ADAM12: variants seen among roughly 807,000 people sequenced by gnomAD.
ADAM12 encodes the protein ADAM metallopeptidase domain 12.
In ADAM12, 70 loss-of-function variants were observed where a neutral mutation model predicts 106.4. The observed-to-expected ratio is 0.66, with a 90% CI of 0.54 to 0.80. The LOEUF is 0.80. Among genes scored for constraint, ADAM12 ranks in the 30% least tolerant of loss-of-function variants. The pLI is 0.00. For synonymous variants in ADAM12, 420 were observed against 433.5 expected (o/e 0.97, Z 0.39); for missense variants, 1,010 against 1,171.9 (o/e 0.86, Z 2.02).
chr10:126,217,705 G>T (rs1958012401), intron 3 of ADAM12, among the ~76,000 whole-genome samples: 1 of 139,944 alleles, frequency 7.1e-6, no homozygotes, highest in South Asian at 2.7e-4. Context: ...AGGCATGGTG[G>T]CTCACGCCTG....
chr10:126,263,435 G>C (rs747327767), intron 3 of ADAM12, among the ~76,000 whole-genome samples: 2 of 151,958 alleles, frequency 1.3e-5, no homozygotes, highest in African/African-American at 2.4e-5. Context: ...CCTTGGCTCA[G>C]TGCTTCTCCC....
At chr10:126,200,104 A>G (rs1250651146) in intron 3 of ADAM12, among the ~76,000 whole-genome samples, 1 of 152,128 alleles carries the variant, frequency 6.6e-6, no homozygotes, top group Non-Finnish European at 1.5e-5. Context: ...AGAATATTCT[A>G]TGAATTGGTA....
At chr10:126,377,046 C>G (rs1856319265) in intron 1 of ADAM12, among the ~76,000 whole-genome samples, 2 of 152,288 alleles carry the variant, frequency 1.3e-5, no homozygotes, top group South Asian at 4.1e-4. Context: ...TTGCCTGGCA[C>G]TGAGAGGTTT....
chr10:126,038,412 TAC>T (rs1954097179), intron 19 of ADAM12, 63 bp from the exon 20 acceptor site: 1 of 1,343,158 alleles, frequency 7.4e-7, no homozygotes, highest in Non-Finnish European at 1.0e-6. Flanking sequence ...CTTGACTTTT[TAC>T]ACTTTGCTCA....
At chr10:126,133,371 C>T (rs1956343416) in intron 5 of ADAM12, among the ~76,000 whole-genome samples, 1 of 152,150 alleles carries the variant, frequency 6.6e-6, no homozygotes, top group Non-Finnish European at 1.5e-5. Flanking sequence ...CCCCACGCTT[C>T]CTCAGGAAAG....
intron 5 of ADAM12, among the ~76,000 whole-genome samples, chr10:126,127,854 C>G (rs1323831059): frequency 6.6e-6 from 1 of 152,030 alleles, no homozygotes. Context: ...AGTGGATCTT[C>G]CAAAGTCAAA....
chr10:126,171,455 G>A (rs1292633315), intron 3 of ADAM12, among the ~76,000 whole-genome samples: 1 of 152,160 alleles, frequency 6.6e-6, no homozygotes, highest in Non-Finnish European at 1.5e-5. Context: ...AATCTTTAGA[G>A]TTCATTTGCT....
At chr10:126,291,376 G>A (rs1031281747) in intron 2 of ADAM12, among the ~76,000 whole-genome samples, 1 of 152,176 alleles carries the variant, frequency 6.6e-6, no homozygotes, top group African/African-American at 2.4e-5. Context: ...CAGAGGCACC[G>A]CAAGTCACTA....
chr10:126,093,114 G>C (rs1193352922), intron 11 of ADAM12, among the ~76,000 whole-genome samples: 2 of 152,160 alleles, frequency 1.3e-5, no homozygotes, highest in African/African-American at 4.8e-5. Flanking sequence ...GCTTGGGCTG[G>C]AATGTTCCAT....
At chr10:126,139,264 AT>A (rs199927483) in intron 4 of ADAM12, among the ~76,000 whole-genome samples, 1 of 151,280 alleles carries the variant, frequency 6.6e-6, no homozygotes, top group African/African-American at 2.4e-5. Flanking sequence ...CTAGTTTTAG[AT>A]TTTTTTTTCC....
intron 5 of ADAM12, among the ~76,000 whole-genome samples, chr10:126,131,807 C>T (rs1411613100): frequency 6.6e-6 from 1 of 152,152 alleles, no homozygotes; most frequent in East Asian, 1.9e-4. Context: ...GCAGCCCATG[C>T]TAAGATAGTG....
intron 4 of ADAM12, among the ~76,000 whole-genome samples, chr10:126,139,190 G>A (rs900172044): frequency 8.6e-5 from 13 of 152,040 alleles, no homozygotes; most frequent in African/African-American, 2.9e-4. Context: ...ATAATAAACC[G>A]CTTGCCTATT....
intron 2 of ADAM12, among the ~76,000 whole-genome samples, chr10:126,298,844 C>G (rs943312528): frequency 3.3e-5 from 5 of 151,968 alleles, no homozygotes; most frequent in Non-Finnish European, 7.4e-5. Flanking sequence ...CTATATGGTT[C>G]AAAGAAACAA....
At chr10:126,319,533 C>T (rs1480574204) in intron 2 of ADAM12, among the ~76,000 whole-genome samples, 1 of 152,144 alleles carries the variant, frequency 6.6e-6, no homozygotes, top group Non-Finnish European at 1.5e-5. Flanking sequence ...TCTCTACTCC[C>T]CAAAACCGTC....
intron 3 of ADAM12, among the ~76,000 whole-genome samples, chr10:126,224,574 G>A (rs923505222): frequency 3.3e-5 from 5 of 152,214 alleles, no homozygotes; most frequent in Non-Finnish European, 7.4e-5. Context: ...TGGCGGTGGG[G>A]GCGTTGCACG....
chr10:126,214,970 C>T (rs1030238282), intron 3 of ADAM12, among the ~76,000 whole-genome samples: 1 of 152,220 alleles, frequency 6.6e-6, no homozygotes, highest in African/African-American at 2.4e-5. Context: ...GTCAGCCCCT[C>T]GCTGGGCCAT....
intron 3 of ADAM12, among the ~76,000 whole-genome samples, chr10:126,231,702 C>G (rs892875243): frequency 1.3e-5 from 2 of 152,198 alleles, no homozygotes; most frequent in African/African-American, 4.8e-5. Flanking sequence ...CCACCACTCT[C>G]TCCTCCTGGC....
intron 3 of ADAM12, among the ~76,000 whole-genome samples, chr10:126,220,426 G>A (rs1001312075): frequency 2.6e-5 from 4 of 152,076 alleles, no homozygotes; most frequent in Admixed American, 1.3e-4. Flanking sequence ...TGTTGTGCCT[G>A]GAGAGGAGAG....
chr10:126,143,649 A>C (rs1956569107), intron 4 of ADAM12, among the ~76,000 whole-genome samples: 1 of 149,984 alleles, frequency 6.7e-6, no homozygotes, highest in Non-Finnish European at 1.5e-5. Flanking sequence ...GTATGTGTGT[A>C]TATGGTGTGC....
Sources: gnomAD v4.1 joint callset for allele counts (sites outside exome capture counted in the v4.1 genomes callset) on GRCh38, gnomAD v4.1.1 for gene constraint, MANE v1.5 for transcripts, NCBI Gene and HGNC (gene_info 2026-07-23, HGNC 2026-07-21) for gene names.